IFFO2: variants seen among roughly 807,000 people sequenced by gnomAD.
IFFO2 encodes intermediate filament family orphan 2.
A neutral mutation model predicts 53.5 loss-of-function variants in IFFO2; 19 were observed. The ratio of observed to expected loss-of-function variants is 0.36; its 90% CI spans 0.25 to 0.52. The LOEUF (loss-of-function observed/expected upper bound fraction) is 0.52, where lower values mean the gene tolerates loss of function less well. IFFO2 is among the 20% of genes least tolerant of loss of function. The pLI, the probability that IFFO2 is intolerant of heterozygous loss-of-function variation, is 0.94. For missense variants in IFFO2, 570 were observed against 727.4 expected, an observed-to-expected ratio of 0.78 and a Z score of 2.49; for synonymous variants, 303 against 313.6, an observed-to-expected ratio of 0.97 and a Z score of 0.36.
Position 18,919,852 on chromosome 1 carries a change from G to C in IFFO2, c.727-79C>G. ...GAGGGTCTGGACACCTGAGTCCAGAGCCCTAGGCACCCGATGTCCACCCCA... is the reference window on the plus strand; with the variant it reads ...GAGGGTCTGGACACCTGAGTCCAGACCCCTAGGCACCCGATGTCCACCCCA... On this transcript the variant is annotated intron_variant, in intron 2 of 8. Transcript: ENST00000455833. The surrounding 1 kb of genome is among the most constrained non-coding windows in gnomAD (Gnocchi z 4.9). 1 of 985,242 alleles carries C rather than the reference G, an allele frequency of 1.0e-6. No homozygotes were observed. Among genetic ancestry groups the C allele is most frequent in the Non-Finnish European group, 1.5e-6 (1 of 649,274 alleles). 61.0% of individuals were successfully genotyped at this position (985,242 alleles called of 1,614,324 possible).
chr1:18,943,935 TC>T (rs1292597495), intron 1 of IFFO2, among the ~76,000 whole-genome samples: 2 of 152,204 alleles, frequency 1.3e-5, no homozygotes, highest in Non-Finnish European at 2.9e-5. Flanking sequence ...CAGTTGCTTC[TC>T]TGCTCCAAGT....
At position 18,941,993 on chromosome 1, in the gene IFFO2, G is replaced by C. The variant is rs764037361; in HGVS notation, c.665+13675C>G. Reference sequence around the variant, plus strand: ...TGTGCTGACAGTCTGCTCGAGAAGAGAGGGGACATGACCTCCTCCTGGCTG... The same window carrying C: ...TGTGCTGACAGTCTGCTCGAGAAGACAGGGGACATGACCTCCTCCTGGCTG... On this transcript the variant is annotated intron_variant, in intron 1 of 8. Coordinates refer to ENST00000455833, the MANE Select transcript of IFFO2 (RefSeq NM_001136265.2). Among the ~76,000 whole-genome samples, 213 of 152,384 alleles carry C rather than the reference G, an allele frequency of 1.4e-3. 3 individuals are homozygous for C. The highest frequency in any genetic ancestry group is 2.5e-3 in the Non-Finnish European group (172 of 68,040).
At chr1:18,911,577 C>T (rs1936041014) in intron 6 of IFFO2, 101 bp from the exon 7 acceptor site, 2 of 544,356 alleles carry the variant, frequency 3.7e-6, no homozygotes, top group Non-Finnish European at 5.3e-6. Flanking sequence ...CTCGCTCTGT[C>T]ACCCAGGCTG....
At chr1:18,948,404 G>A (rs1936617691) in intron 1 of IFFO2, among the ~76,000 whole-genome samples, 1 of 152,314 alleles carries the variant, frequency 6.6e-6, no homozygotes, top group African/African-American at 2.4e-5. Flanking sequence ...CCATTCCCAC[G>A]TGGGCATAGT....
chr1:18,920,127 G>A (rs536364218), intron 2 of IFFO2, among the ~76,000 whole-genome samples: 4 of 152,256 alleles, frequency 2.6e-5, no homozygotes, highest in Admixed American at 1.3e-4. Context: ...CATGTGTGTC[G>A]ACCTAACATG....
At chr1:18,911,515 A>T (rs1001819388) in intron 6 of IFFO2, 39 bp from the exon 7 acceptor site, 1 of 494,978 alleles carries the variant, frequency 2.0e-6, no homozygotes, top group Non-Finnish European at 2.9e-6. Flanking sequence ...TATTTTATTT[A>T]TTTATTTATT....
chr1:18,942,385 TGG>T (rs1452013592), intron 1 of IFFO2, among the ~76,000 whole-genome samples: 10 of 151,966 alleles, frequency 6.6e-5, no homozygotes, highest in Admixed American at 1.3e-4. Context: ...GTGTACAAAT[TGG>T]GGCCTGGGGG....
rs28755769 is a variant in IFFO2 at position 18,907,468 on chromosome 1, C to T, written c.*1093G>A. Reference sequence around the variant, plus strand: ...AGGCAACTGCCGGACAGTCCTAACCCAAGGCGGGTAGAAGGGAGCAGAGAC... The same window carrying T: ...AGGCAACTGCCGGACAGTCCTAACCTAAGGCGGGTAGAAGGGAGCAGAGAC... On this transcript the variant is annotated 3_prime_UTR_variant, in exon 9 of 9. Coordinates refer to ENST00000455833, the MANE Select transcript of IFFO2 (RefSeq NM_001136265.2). 11,199 of 152,454 alleles carry T rather than the reference C, an allele frequency of 0.073. 1,067 individuals carry two copies. The highest frequency in any genetic ancestry group is 0.22 in the African/African-American group (8,982 of 41,536). 9.4% of individuals were successfully genotyped at this position (152,454 alleles called of 1,614,324 possible). A position where few individuals can be genotyped will look rare whatever the true frequency, so the allele number is the denominator to read the frequency against.
rs1302719800 is a variant in IFFO2 at position 18,904,886 on chromosome 1, A to G, written c.*3675T>C. On this transcript the variant is annotated 3_prime_UTR_variant, in exon 9 of 9. Transcript: ENST00000455833. ...GAGTAGACACAGCCGGGGCTGGGCT[A>G]TGAGCATCTTAAGCCATTTCCACTT... 1 of 152,118 alleles carries G rather than the reference A, an allele frequency of 6.6e-6. No individual in the cohort carries two copies. Among genetic ancestry groups the G allele is most frequent in the African/African-American group, 2.4e-5 (1 of 41,404 alleles). The allele number at this position is 152,118 out of a possible 1,614,324, so 9.4% of individuals were successfully genotyped here.
rs773333324 is a variant in IFFO2, at chr1:18,928,970, T to C, written c.666-7849A>G. ...CACTCAACAGCAGACACCCGCTGGG[T>C]GCCCTCTCCCAGAAGAAGCAGCAGC... On this transcript the variant is annotated intron_variant, in intron 1 of 8. Coordinates refer to ENST00000455833, the MANE Select transcript of IFFO2 (RefSeq NM_001136265.2). The surrounding 1 kb of genome is among the most constrained non-coding windows in gnomAD (Gnocchi z 4.9). 3.9e-5 allele frequency among the ~76,000 whole-genome samples: 6 copies of C among 152,142 alleles called. No homozygotes were observed. Among genetic ancestry groups the C allele is most frequent in the Non-Finnish European group, 8.8e-5 (6 of 68,016 alleles).
At chr1:18,912,157 G>A in intron 5 of IFFO2, 74 bp from the exon 6 acceptor site, 1 of 1,531,958 alleles carries the variant, frequency 6.5e-7, no homozygotes, top group Non-Finnish European at 8.8e-7. Context: ...GACAGAAAGG[G>A]GCAGCTGCCC....
Position 18,916,783 on chromosome 1 carries a change from A to AT in IFFO2, c.1103+119_1103+120insA. ...GTGAGACCCTGTCTCAAAAAAAAAA[A>AT]GGAAATGAATTCAAATTCTTCCAGT... On this transcript the variant is annotated intron_variant, in intron 5 of 8. Coordinates refer to ENST00000455833, the MANE Select transcript of IFFO2 (RefSeq NM_001136265.2). The surrounding 1 kb of genome is among the most constrained non-coding windows in gnomAD (Gnocchi z 4.3). 1 of 1,246,644 alleles carries AT rather than the reference A, an allele frequency of 8.0e-7. No individual in the cohort carries two copies. Among genetic ancestry groups the AT allele is most frequent in the South Asian group, 1.6e-5 (1 of 63,404 alleles). The allele number at this position is 1,246,644 out of a possible 1,614,324, so 77.2% of individuals were successfully genotyped here. A position where few individuals can be genotyped will look rare whatever the true frequency, so the allele number is the denominator to read the frequency against.
rs183300732 is a variant in IFFO2, at chr1:18,917,108, C to T, written c.964-66G>A. On this transcript the variant is annotated intron_variant, in intron 4 of 8. Transcript: ENST00000455833. The surrounding 1 kb of genome is among the most constrained non-coding windows in gnomAD (Gnocchi z 5.9). ...GGCTAGGATGGAAGGTAGGGGTGAACTGGGAAGGGAGCCGGCATCTCACAG... is the reference window on the plus strand; with the variant it reads ...GGCTAGGATGGAAGGTAGGGGTGAATTGGGAAGGGAGCCGGCATCTCACAG... 4.2e-3 allele frequency: 6,393 copies of T among 1,513,272 alleles called. 39 individuals are homozygous for T. The highest frequency in any genetic ancestry group is 0.038 in the Middle Eastern group (222 of 5,840). 93.7% of individuals were successfully genotyped at this position (1,513,272 alleles called of 1,614,324 possible). A position where few individuals can be genotyped will look rare whatever the true frequency, so the allele number is the denominator to read the frequency against.
At chr1:18,943,992 C>A (rs530493922) in intron 1 of IFFO2, among the ~76,000 whole-genome samples, 2 of 152,300 alleles carry the variant, frequency 1.3e-5, no homozygotes, top group East Asian at 3.9e-4. Flanking sequence ...AAAGTGCCAG[C>A]AGCCCCCAGA....
At chr1:18,932,845 G>A (rs1936396878) in intron 1 of IFFO2, among the ~76,000 whole-genome samples, 1 of 152,184 alleles carries the variant, frequency 6.6e-6, no homozygotes, top group Admixed American at 6.5e-5. Flanking sequence ...AGACACACAG[G>A]AGGACGTCCC....
At chr1:18,912,188 G>C (rs1429240899) in intron 5 of IFFO2, 105 bp from the exon 6 acceptor site, 1 of 1,400,250 alleles carries the variant, frequency 7.1e-7, no homozygotes, top group East Asian at 2.5e-5. Flanking sequence ...CAGCTTCAAG[G>C]CTGTCCTCAG....
intron 1 of IFFO2, among the ~76,000 whole-genome samples, chr1:18,948,613 C>T (rs1340541725): frequency 6.6e-6 from 1 of 152,248 alleles, no homozygotes; most frequent in Non-Finnish European, 1.5e-5. Context: ...GGACACTCCC[C>T]TCGTGGGCAG....
chr1:18,942,992 C>T (rs1255121505), intron 1 of IFFO2, among the ~76,000 whole-genome samples: 1 of 152,036 alleles, frequency 6.6e-6, no homozygotes, highest in African/African-American at 2.4e-5. Flanking sequence ...GCTCGTGCCA[C>T]CACACCCGGC....
chr1:18,939,118 TG>T (rs2148184299), intron 1 of IFFO2, among the ~76,000 whole-genome samples: 2 of 152,152 alleles, frequency 1.3e-5, no homozygotes, highest in South Asian at 4.1e-4. Context: ...TGGGAGGCTG[TG>T]GGAGAGAGGA....
Sources: gnomAD v4.1 joint callset for allele counts (sites outside exome capture counted in the v4.1 genomes callset) on GRCh38, gnomAD v4.1.1 for gene constraint, Gnocchi (gnomAD v3.1) non-coding constraint, MANE v1.5 for transcripts, NCBI Gene and HGNC (gene_info 2026-07-23, HGNC 2026-07-21) for gene names.